KCNB2: variants seen among roughly 807,000 people sequenced by gnomAD.
KCNB2 encodes delayed rectifier potassium channel protein.
A neutral mutation model predicts 61.5 loss-of-function variants in KCNB2; 15 were observed. That is an observed-to-expected ratio of 0.24 (90% CI 0.16 to 0.38). KCNB2 has a LOEUF of 0.38. Ranked by LOEUF, KCNB2 falls within the 10% of genes least tolerant of loss-of-function variation. The pLI, the probability that KCNB2 is intolerant of heterozygous loss-of-function variation, is 1.00. For synonymous variants in KCNB2, 457 were observed against 446.0 expected (o/e 1.02, Z -0.31); for missense variants, 828 against 1,125.2 (o/e 0.74, Z 3.78).
chr8:72,603,947 A>G (rs73686088), intron 2 of KCNB2, among the ~76,000 whole-genome samples: 4,167 of 152,156 alleles, frequency 0.027, 205 homozygotes, highest in African/African-American at 0.096. Flanking sequence ...TTGGAGAAAG[A>G]TATGGTGTTG....
chr8:72,782,926 T>C (rs1158410729), intron 2 of KCNB2, among the ~76,000 whole-genome samples: 1 of 152,060 alleles, frequency 6.6e-6, no homozygotes, highest in Non-Finnish European at 1.5e-5. Flanking sequence ...ATTGTTACCA[T>C]TATAATATAA....
intron 2 of KCNB2, among the ~76,000 whole-genome samples, chr8:72,752,576 G>A (rs916870508): frequency 6.6e-6 from 1 of 152,068 alleles, no homozygotes; most frequent in African/African-American, 2.4e-5. Flanking sequence ...TCAGGCCTTC[G>A]GGCTCATACT....
chr8:72,813,330 C>CTT (rs78143664), intron 2 of KCNB2, among the ~76,000 whole-genome samples: 90 of 149,570 alleles, frequency 6.0e-4, no homozygotes, highest in Admixed American at 2.8e-3. Context: ...AGTCTGAAGA[C>CTT]TTTTTTTTTT....
chr8:72,675,179 G>GA (rs1249415762), intron 2 of KCNB2, among the ~76,000 whole-genome samples: 4 of 151,802 alleles, frequency 2.6e-5, no homozygotes, highest in Non-Finnish European at 4.4e-5. Flanking sequence ...AGGTATATTG[G>GA]AAAAAAAACT....
intron 2 of KCNB2, among the ~76,000 whole-genome samples, chr8:72,680,000 A>G (rs1806725814): frequency 6.6e-6 from 1 of 152,230 alleles, no homozygotes; most frequent in East Asian, 1.9e-4. Flanking sequence ...GCTAAGATCG[A>G]TAATGCAACT....
intron 2 of KCNB2, among the ~76,000 whole-genome samples, chr8:72,715,663 C>T (rs1252617470): frequency 1.2e-4 from 18 of 151,928 alleles, no homozygotes; most frequent in African/African-American, 2.4e-4. Flanking sequence ...ATCAAAGCAG[C>T]GTGTAGAGGG....
intron 2 of KCNB2, among the ~76,000 whole-genome samples, chr8:72,709,370 G>A (rs1318191741): frequency 6.6e-6 from 1 of 151,920 alleles, no homozygotes; most frequent in Non-Finnish European, 1.5e-5. Context: ...GACCATTTTT[G>A]CATCACTATA....
chr8:72,888,161 G>T (rs1805836885), intron 2 of KCNB2, among the ~76,000 whole-genome samples: 1 of 152,166 alleles, frequency 6.6e-6, no homozygotes, highest in African/African-American at 2.4e-5. Flanking sequence ...GGAGTGCAGT[G>T]GTGCAATCAT....
At chr8:72,718,339 A>G (rs1296099570) in intron 2 of KCNB2, among the ~76,000 whole-genome samples, 1 of 152,226 alleles carries the variant, frequency 6.6e-6, no homozygotes, top group Non-Finnish European at 1.5e-5. Context: ...ATTATAAATC[A>G]TGCTGCTATA....
chr8:72,537,229 C>T lies in KCNB2; in HGVS notation c.-750C>T, dbSNP rs1476671853. Among the ~76,000 whole-genome samples the T allele has an allele frequency of 1.3e-5, 2 of 151,090 alleles. No homozygotes were observed. Among genetic ancestry groups the T allele is most frequent in the African/African-American group, 4.8e-5 (2 of 41,332 alleles). ...GAGCGGGAGGCTGGGGTGGCCGCAG[C>T]CCTGTGTGCGCGCCGGGCCGGCTAG... is the stretch of plus-strand genomic sequence containing the variant. On this transcript the variant is annotated 5_prime_UTR_variant, in exon 1 of 3. Coordinates refer to ENST00000523207, the MANE Select transcript of KCNB2 (RefSeq NM_004770.3).
intron 2 of KCNB2, among the ~76,000 whole-genome samples, chr8:72,781,887 C>T (rs1041626801): frequency 2.6e-5 from 4 of 152,034 alleles, no homozygotes; most frequent in East Asian, 1.9e-4. Flanking sequence ...TGCATGTTCT[C>T]GCTTATAAGT....
intron 1 of KCNB2, among the ~76,000 whole-genome samples, chr8:72,549,243 A>T (rs1392994387): frequency 6.6e-6 from 1 of 152,292 alleles, no homozygotes; most frequent in East Asian, 1.9e-4. Context: ...GCAATGCCAC[A>T]TAATTAGATT....
chr8:72,782,733 T>C (rs1290606123), intron 2 of KCNB2, among the ~76,000 whole-genome samples: 1 of 152,158 alleles, frequency 6.6e-6, no homozygotes, highest in African/African-American at 2.4e-5. Context: ...AATATTTGTC[T>C]CGCTGGCTGT....
In KCNB2 at chr8:72,537,565, G is replaced by C. The variant is rs1301094861; in HGVS notation, c.-414G>C. On this transcript the variant is annotated 5_prime_UTR_variant, in exon 1 of 3. Transcript: ENST00000523207. Reference sequence around the variant, plus strand: ...CGGCAGGGGGATGGGGACCCCGTGTGGGGAAGGGGTTGAAGATCGATGAAG... The same window carrying C: ...CGGCAGGGGGATGGGGACCCCGTGTCGGGAAGGGGTTGAAGATCGATGAAG... 2.0e-5 allele frequency: 3 copies of C among 152,768 alleles called. No homozygotes were observed. The highest frequency in any genetic ancestry group is 7.2e-5 in the African/African-American group (3 of 41,482). The allele number at this position is 152,768 out of a possible 1,614,324, so 9.5% of individuals were successfully genotyped here.
intron 2 of KCNB2, among the ~76,000 whole-genome samples, chr8:72,716,523 A>C (rs969690552): frequency 5.3e-5 from 8 of 152,366 alleles, no homozygotes; most frequent in Admixed American, 3.3e-4. Flanking sequence ...CAAATCAATA[A>C]ACGTAATCCA....
chr8:72,895,149 A>G (rs545733316), intron 2 of KCNB2, among the ~76,000 whole-genome samples: 3 of 152,320 alleles, frequency 2.0e-5, no homozygotes, highest in Admixed American at 6.5e-5. Flanking sequence ...AAAGATGTCC[A>G]TATCCTAATT....
intron 1 of KCNB2, among the ~76,000 whole-genome samples, chr8:72,565,687 C>G (rs907664311): frequency 6.6e-6 from 1 of 151,978 alleles, no homozygotes; most frequent in African/African-American, 2.4e-5. Context: ...AACACACACA[C>G]ACATTCTGAT....
At chr8:72,834,973 G>A (rs1387928532) in intron 2 of KCNB2, among the ~76,000 whole-genome samples, 2 of 152,170 alleles carry the variant, frequency 1.3e-5, no homozygotes, top group African/African-American at 4.8e-5. Context: ...AGGAGGAAGG[G>A]GATAGGGTGA....
chr8:72,629,186 C>T lies in KCNB2; in HGVS notation c.579+60873C>T, dbSNP rs182222347. On this transcript the variant is annotated intron_variant, in intron 2 of 2. Coordinates refer to ENST00000523207, the MANE Select transcript of KCNB2 (RefSeq NM_004770.3). ...CTGAAGACTAAATTGAACTCATTCTCAAAGAAAAACTAAAGAGAAGACTCA... is the reference window on the plus strand; with the variant it reads ...CTGAAGACTAAATTGAACTCATTCTTAAAGAAAAACTAAAGAGAAGACTCA... Among the ~76,000 whole-genome samples the T allele has an allele frequency of 2.2e-3, 342 of 152,204 alleles. 1 individual carries two copies. Among genetic ancestry groups the T allele is most frequent in the African/African-American group, 7.7e-3 (319 of 41,522 alleles).
Sources: allele counts gnomAD v4.1 joint callset (sites outside exome capture counted in the v4.1 genomes callset), GRCh38; gene constraint gnomAD v4.1.1; transcripts MANE v1.5; gene names NCBI Gene and HGNC (gene_info 2026-07-23, HGNC 2026-07-21).